Variants in BCKDHB observed in about 807,000 individuals in gnomAD.
BCKDHB encodes 2-oxoisovalerate dehydrogenase subunit beta, mitochondrial.
BCKDHB carries 41 observed loss-of-function variants against 48.5 expected under a neutral mutation model. The ratio of observed to expected loss-of-function variants is 0.85; its 90% CI spans 0.66 to 1.10. BCKDHB has a LOEUF of 1.10. Among genes scored for constraint, BCKDHB ranks in the 50% least tolerant of loss-of-function variants. The probability of loss-of-function intolerance (pLI) is 0.00; values close to 1 mark genes in which losing one functional copy is unlikely to be tolerated. For synonymous variants in BCKDHB, 201 were observed against 174.8 expected, an observed-to-expected ratio of 1.15 and a Z score of -1.18; for missense variants, 496 against 494.2, an observed-to-expected ratio of 1.00 and a Z score of -0.03.
At chr6:80,241,307 C>T (rs775832783) in intron 8 of BCKDHB, among the ~76,000 whole-genome samples, 18 of 152,260 alleles carry the variant, frequency 1.2e-4, no homozygotes, top group Non-Finnish European at 1.6e-4. Flanking sequence ...TGAGGAGCTG[C>T]GATCCTTTGA....
chr6:80,444,803 A>C, the BCKDHB span, among the ~76,000 whole-genome samples: 1 of 152,176 alleles, frequency 6.6e-6, no homozygotes, highest in Non-Finnish European at 1.5e-5. Context: ...GTGTTTTATT[A>C]TTTACATAAA....
intron 9 of BCKDHB, among the ~76,000 whole-genome samples, chr6:80,298,322 A>T (rs1767369396): frequency 2.0e-5 from 3 of 152,156 alleles, no homozygotes. Context: ...CATGTTGGCC[A>T]GGCTGGTCAC....
At chr6:80,338,135 A>G (rs767961652) in intron 9 of BCKDHB, among the ~76,000 whole-genome samples, 1 of 152,218 alleles carries the variant, frequency 6.6e-6, no homozygotes, top group Non-Finnish European at 1.5e-5. Flanking sequence ...AATTATTCCA[A>G]AATTGTTCTT....
intron 3 of BCKDHB, among the ~76,000 whole-genome samples, chr6:80,131,228 T>A (rs1318525899): frequency 6.6e-6 from 1 of 152,190 alleles, no homozygotes; most frequent in Non-Finnish European, 1.5e-5. Flanking sequence ...TGTATTCAGT[T>A]TCTACTGCAC....
the BCKDHB span, among the ~76,000 whole-genome samples, chr6:80,362,509 G>A: frequency 6.6e-6 from 1 of 152,216 alleles, no homozygotes; most frequent in Admixed American, 6.5e-5. Context: ...TGTGGGAATA[G>A]TGCTGGGTCA....
intron 2 of BCKDHB, among the ~76,000 whole-genome samples, chr6:80,128,200 G>T (rs1463235047): frequency 6.6e-6 from 1 of 151,872 alleles, no homozygotes; most frequent in Non-Finnish European, 1.5e-5. Flanking sequence ...ATATATGTGT[G>T]TGTGTGCATA....
At position 80,202,410 on chromosome 6, in the gene BCKDHB, C is replaced by T. The variant is rs551187315; in HGVS notation, c.841-692C>T. ...TTTCTCCTTAAATACGATTATGTCT[C>T]CCTCCTTTTAACACTGAACTTGAAC... On this transcript the variant is annotated intron_variant, in intron 7 of 9. Transcript: ENST00000320393. Among the ~76,000 whole-genome samples the T allele has an allele frequency of 8.2e-4, 125 of 152,212 alleles. 1 individual carries two copies. Among genetic ancestry groups the T allele is most frequent in the African/African-American group, 2.9e-3 (119 of 41,550 alleles).
chr6:80,419,616 C>G, the BCKDHB span, among the ~76,000 whole-genome samples: 1 of 152,202 alleles, frequency 6.6e-6, no homozygotes, highest in African/African-American at 2.4e-5. Context: ...CTACCCCTGC[C>G]ATTTGTTTAA....
the BCKDHB span, among the ~76,000 whole-genome samples, chr6:80,429,911 A>G: frequency 7.2e-5 from 11 of 152,242 alleles, no homozygotes; most frequent in African/African-American, 2.6e-4. Flanking sequence ...GTTGAATAGG[A>G]TTGTTGAGAG....
At chr6:80,149,180 CAAAAG>C (rs1771634756) in intron 3 of BCKDHB, among the ~76,000 whole-genome samples, 1 of 152,136 alleles carries the variant, frequency 6.6e-6, no homozygotes, top group Admixed American at 6.5e-5. Context: ...AGACACTTCT[CAAAAG>C]AAGACATTTA....
intron 6 of BCKDHB, among the ~76,000 whole-genome samples, chr6:80,196,835 C>T (rs552318262): frequency 1.8e-4 from 23 of 126,876 alleles, no homozygotes; most frequent in African/African-American, 4.9e-4. Context: ...TGCATGTACA[C>T]GGAAGTGTAT....
At chr6:80,184,108 GT>G (rs1406137557) in intron 6 of BCKDHB, among the ~76,000 whole-genome samples, 3 of 152,112 alleles carry the variant, frequency 2.0e-5, no homozygotes, top group African/African-American at 7.2e-5. Flanking sequence ...GGTAGTAATT[GT>G]TTTATAAATT....
At chr6:80,293,617 T>C (rs1293192090) in intron 9 of BCKDHB, among the ~76,000 whole-genome samples, 1 of 152,212 alleles carries the variant, frequency 6.6e-6, no homozygotes, top group Non-Finnish European at 1.5e-5. Flanking sequence ...ATTGGGCTCC[T>C]TATTATTCAA....
At chr6:80,281,112 C>T (rs1008323194) in intron 9 of BCKDHB, among the ~76,000 whole-genome samples, 1 of 151,772 alleles carries the variant, frequency 6.6e-6, no homozygotes, top group Non-Finnish European at 1.5e-5. Flanking sequence ...GTTTCTGGAG[C>T]TCAGGAGAGA....
chr6:80,300,976 A>T (rs188960945), intron 9 of BCKDHB, among the ~76,000 whole-genome samples: 1 of 152,156 alleles, frequency 6.6e-6, no homozygotes, highest in Non-Finnish European at 1.5e-5. Flanking sequence ...AAATAAAAAA[A>T]ATTAGAAATT....
chr6:80,319,578 G>A (rs1309219656), intron 9 of BCKDHB, among the ~76,000 whole-genome samples: 1 of 152,098 alleles, frequency 6.6e-6, no homozygotes, highest in Non-Finnish European at 1.5e-5. Flanking sequence ...GAAACGTGTA[G>A]CCCTCTGGTT....
At chr6:80,273,398 CTGTT>C (rs201677763) in intron 9 of BCKDHB, among the ~76,000 whole-genome samples, 177 bp downstream of exon 9, 1,627 of 152,110 alleles carry the variant, frequency 0.011, 24 homozygotes, top group African/African-American at 0.037. Context: ...ACCACACTTT[CTGTT>C]TGTTAGTTAA....
chr6:80,438,867 T>C, the BCKDHB span, among the ~76,000 whole-genome samples: 2 of 152,206 alleles, frequency 1.3e-5, no homozygotes. Flanking sequence ...AATGAGTGTC[T>C]TTCTTGTGTA....
At chr6:80,116,431 C>A (rs1169549304) in intron 1 of BCKDHB, among the ~76,000 whole-genome samples, 1 of 152,192 alleles carries the variant, frequency 6.6e-6, no homozygotes, top group Non-Finnish European at 1.5e-5. Context: ...ATTTATTTAG[C>A]ACCTATTACA....
Sources: gnomAD v4.1 joint callset for allele counts (sites outside exome capture counted in the v4.1 genomes callset) on GRCh38, gnomAD v4.1.1 for gene constraint, MANE v1.5 for transcripts, NCBI Gene and HGNC (gene_info 2026-07-23, HGNC 2026-07-21) for gene names.